Variants in CWF19L2 observed in about 807,000 individuals in gnomAD.
CWF19L2 encodes the protein CWF19 like cell cycle control factor 2.
A neutral mutation model predicts 111.7 loss-of-function variants in CWF19L2; 98 were observed. The ratio of observed to expected loss-of-function variants is 0.88; its 90% CI spans 0.75 to 1.04. The LOEUF (loss-of-function observed/expected upper bound fraction) is 1.04. Among genes scored for constraint, CWF19L2 ranks in the 50% least tolerant of loss-of-function variants. The pLI is 0.00. For synonymous variants in CWF19L2, 351 were observed against 342.9 expected (o/e 1.02, Z -0.26); for missense variants, 1,101 against 1,051.4 (o/e 1.05, Z -0.65).
rs747888064 is a variant in CWF19L2 at position 107,353,634 on chromosome 11, T to C, written c.1975A>G (p.Lys659Glu). Residue 659 changes from lysine (K) to glutamate (E), a missense_variant, in exon 13 of 18, where the codon AAA becomes GAA. Lys to Glu is a moderately conservative substitution (Grantham distance 56). Coordinates refer to ENST00000282251, the MANE Select transcript of CWF19L2 (RefSeq NM_152434.3). Reference protein sequence around the residue: ...RLGEEEENQRKKAIAEHRSLA... With the variant: ...RLGEEEENQREKAIAEHRSLA... ...CTCCGATGCTCAGCAATAGCTTTTTTCCTTTGGTTCTCTTCCTCTTCACCA... is the reference window on the plus strand; with the variant it reads ...CTCCGATGCTCAGCAATAGCTTTTTCCCTTTGGTTCTCTTCCTCTTCACCA... The C allele has an allele frequency of 8.7e-6, 14 of 1,613,854 alleles. No individual in the cohort carries two copies. The highest frequency in any genetic ancestry group is 1.1e-5 in the Non-Finnish European group (13 of 1,179,778).
intron 12 of CWF19L2, among the ~76,000 whole-genome samples, chr11:107,379,991 G>A (rs1399505741): frequency 7.8e-6 from 1 of 128,572 alleles, no homozygotes; most frequent in Non-Finnish European, 1.6e-5. Context: ...AGCTTGCAGT[G>A]AGCTGAGATC....
At chr11:107,392,964 A>C (rs1433452212) in intron 10 of CWF19L2, 69 bp from the exon 11 acceptor site, 51 of 986,558 alleles carry the variant, frequency 5.2e-5, no homozygotes, top group Non-Finnish European at 2.4e-5. Context: ...ATTTAATAAC[A>C]AAAAAAGCAT....
At chr11:107,353,364 A>C (rs1860185354) in intron 13 of CWF19L2, among the ~76,000 whole-genome samples, 160 bp downstream of exon 13, 1 of 152,222 alleles carries the variant, frequency 6.6e-6, no homozygotes, top group Admixed American at 6.5e-5. Context: ...ACAATGGAGA[A>C]CAAAAGTTAT....
Position 107,433,687 on chromosome 11 carries a change from G to T in CWF19L2, c.727C>A (p.Gln243Lys). The change falls in exon 7 of 18, where the codon CAA becomes AAA. Residue 243 changes from glutamine (Q) to lysine (K), a missense_variant. Gln to Lys is a moderately conservative substitution (Grantham distance 53, BLOSUM62 1). Transcript: ENST00000282251. Reference sequence around the variant, plus strand: ...AAGTTTCTACTTTGTTTCTCAGCTTGTTCCTTCATTCTTAGATAAGATTTC... The same window carrying T: ...AAGTTTCTACTTTGTTTCTCAGCTTTTTCCTTCATTCTTAGATAAGATTTC... ...LRKSYLRMKE[Q>K]AEKQSRNFED... is the part of the protein sequence containing the mutation. 6.3e-7 allele frequency: 1 copy of T among 1,593,416 alleles called. No homozygotes were observed. Among genetic ancestry groups the T allele is most frequent in the East Asian group, 2.3e-5 (1 of 43,460 alleles).
In CWF19L2 at chr11:107,418,239, G is replaced by A; in HGVS notation, c.1482C>T (p.Asn494=). ...SIHILSVDEK[N]KLGAKIIKAE... The stretch of plus-strand genomic sequence containing the variant: ...CTTTGATAATCTTGGCTCCCAACTT[G>A]TTCTTCTCATCAACACTCAGGATGT... The change falls in exon 9 of 18, where the codon AAC becomes AAT. Residue 494 remains asparagine, a synonymous_variant. Coordinates refer to ENST00000282251, the MANE Select transcript of CWF19L2 (RefSeq NM_152434.3). 1 of 1,613,210 alleles carries A rather than the reference G, an allele frequency of 6.2e-7. No homozygotes were observed. The highest frequency in any genetic ancestry group is 8.5e-7 in the Non-Finnish European group (1 of 1,179,292).
intron 7 of CWF19L2, among the ~76,000 whole-genome samples, chr11:107,430,724 G>A (rs1364331360): frequency 6.6e-6 from 1 of 152,008 alleles, no homozygotes; most frequent in African/African-American, 2.4e-5. Flanking sequence ...GAAGGAGAGG[G>A]GATGAGAAGA....
chr11:107,377,796 C>T (rs1293529117), intron 12 of CWF19L2, among the ~76,000 whole-genome samples: 2 of 131,408 alleles, frequency 1.5e-5, no homozygotes, highest in Non-Finnish European at 3.1e-5. Context: ...AGCTTCTGCA[C>T]AGCAAAAGAA....
chr11:107,344,792 A>C (rs915745407), intron 14 of CWF19L2, among the ~76,000 whole-genome samples: 4 of 152,164 alleles, frequency 2.6e-5, no homozygotes, highest in African/African-American at 9.7e-5. Flanking sequence ...ATATTTTGAG[A>C]ATTAAGAGAC....
intron 3 of CWF19L2, 101 bp downstream of exon 3, chr11:107,454,349 T>G (rs139173571): frequency 2.2e-5 from 20 of 902,590 alleles, no homozygotes; most frequent in Non-Finnish European, 2.8e-5. Context: ...TAACTAGTAA[T>G]ATATTTTTTA....
At chr11:107,335,283 C>T (rs1859905907) in intron 15 of CWF19L2, among the ~76,000 whole-genome samples, 1 of 152,120 alleles carries the variant, frequency 6.6e-6, no homozygotes, top group African/African-American at 2.4e-5. Context: ...ATTTATAGCA[C>T]TGCATTCATA....
intron 9 of CWF19L2, 113 bp downstream of exon 9, chr11:107,418,081 A>G: frequency 1.4e-6 from 1 of 723,430 alleles, no homozygotes; most frequent in South Asian, 1.5e-5. Flanking sequence ...ATCAATAACC[A>G]ACAGTTATTT....
chr11:107,330,645 CACACACACACACACA>C (rs1859834534), intron 16 of CWF19L2, among the ~76,000 whole-genome samples: 1 of 14,890 alleles, frequency 6.7e-5, no homozygotes, highest in African/African-American at 3.3e-4. Flanking sequence ...CCCCCCCCAC[CACACACACACACACA>C]CACACACACA....
At chr11:107,422,886 A>G (rs1343702056) in intron 8 of CWF19L2, among the ~76,000 whole-genome samples, 2 of 152,048 alleles carry the variant, frequency 1.3e-5, no homozygotes, top group Non-Finnish European at 2.9e-5. Context: ...AATGTATAGT[A>G]GCCATTTCTT....
At chr11:107,435,951 C>G (rs1861534904) in intron 6 of CWF19L2, among the ~76,000 whole-genome samples, 1 of 151,986 alleles carries the variant, frequency 6.6e-6, no homozygotes, top group Admixed American at 6.5e-5. Context: ...GTCAAGAGAT[C>G]AAGACCAGCC....
At chr11:107,331,226 G>C (rs1024458670) in intron 16 of CWF19L2, among the ~76,000 whole-genome samples, 4 of 152,170 alleles carry the variant, frequency 2.6e-5, no homozygotes, top group Non-Finnish European at 5.9e-5. Context: ...TTGCAACTCT[G>C]ATTCTTATAA....
At chr11:107,393,743 G>A (rs1860882370) in intron 10 of CWF19L2, among the ~76,000 whole-genome samples, 4 of 152,108 alleles carry the variant, frequency 2.6e-5, no homozygotes, top group Admixed American at 2.6e-4. Flanking sequence ...CAGCATGGAT[G>A]GAGCTAGAGG....
Position 107,368,131 on chromosome 11 carries a change from A to G in CWF19L2, c.1873-14395T>C, listed in dbSNP as rs868543584. 4.0e-3 allele frequency among the ~76,000 whole-genome samples: 518 copies of G among 130,388 alleles called. 119 individuals are homozygous for G. Among genetic ancestry groups the G allele is most frequent in the African/African-American group, 0.014 (470 of 32,636 alleles). 85.5% of individuals were successfully genotyped at this position (130,388 alleles called of 152,430 possible). On this transcript the variant is annotated intron_variant, in intron 12 of 17. Transcript: ENST00000282251. The stretch of plus-strand genomic sequence containing the variant: ...ATAAATTGAGACCCCCCCCCACACA[A>G]AAATACAAAAGATCAGTAAGATAAA...
intron 12 of CWF19L2, among the ~76,000 whole-genome samples, chr11:107,362,788 A>G (rs1860375900): frequency 6.6e-6 from 1 of 151,844 alleles, no homozygotes; most frequent in Admixed American, 6.6e-5. Flanking sequence ...AAAGGAACGC[A>G]GTTCCTCACC....
intron 12 of CWF19L2, among the ~76,000 whole-genome samples, chr11:107,372,559 T>C (rs897962645): frequency 7.3e-6 from 1 of 136,408 alleles, no homozygotes; most frequent in Non-Finnish European, 1.6e-5. Context: ...AAAAATGTGG[T>C]CTTTAGCCTA....
Sources: gnomAD v4.1 joint callset for allele counts (sites outside exome capture counted in the v4.1 genomes callset) on GRCh38, gnomAD v4.1.1 for gene constraint, MANE v1.5 for transcripts, NCBI Gene and HGNC (gene_info 2026-07-23, HGNC 2026-07-21) for gene names.